FRMPD4: variants seen among roughly 807,000 people sequenced by gnomAD.
The protein encoded by FRMPD4 is FERM and PDZ domain-containing protein 4.
A neutral mutation model predicts 94.1 loss-of-function variants in FRMPD4; 22 were observed. The observed-to-expected ratio is 0.23, with a 90% CI of 0.17 to 0.33. The LOEUF (loss-of-function observed/expected upper bound fraction) is 0.33. FRMPD4 is among the 10% of genes least tolerant of loss of function. FRMPD4 has a pLI of 1.00. For missense variants in FRMPD4, 1,111 were observed against 1,339.9 expected (o/e 0.83, Z 2.67); for synonymous variants, 631 against 548.6 (o/e 1.15, Z -2.10).
At chrX:11,845,785 A>G (rs909991113) in intron 1 of FRMPD4, among the ~76,000 whole-genome samples, 2 of 109,516 alleles carry the variant, frequency 1.8e-5, no homozygotes, top group Admixed American at 9.9e-5. Flanking sequence ...AAACCACATG[A>G]TTATCTCAAT....
chrX:12,476,424 A>G (rs1011900292), intron 1 of FRMPD4, among the ~76,000 whole-genome samples: 7 of 111,896 alleles, frequency 6.3e-5, no homozygotes, highest in African/African-American at 1.9e-4. Flanking sequence ...CATGTCTAAA[A>G]CACCAAAAGC....
intron 3 of FRMPD4, among the ~76,000 whole-genome samples, chrX:11,987,064 A>G (rs1194755826): frequency 1.1e-5 from 1 of 94,759 alleles, no homozygotes; most frequent in Non-Finnish European, 2.1e-5. Flanking sequence ...TGAGGCCAGT[A>G]TAATTCTGAT....
At chrX:12,216,468 A>G (rs760384204) in intron 1 of FRMPD4, among the ~76,000 whole-genome samples, 28 of 111,893 alleles carry the variant, frequency 2.5e-4, no homozygotes, top group African/African-American at 8.4e-4. Context: ...AGTCACAAAG[A>G]TCTTCCCAGG....
intron 1 of FRMPD4, among the ~76,000 whole-genome samples, chrX:12,496,031 C>G (rs1169405517): frequency 2.7e-5 from 3 of 111,928 alleles, no homozygotes; most frequent in Admixed American, 9.5e-5. Flanking sequence ...TAACAAACCA[C>G]AAGGTAATAC....
At chrX:11,974,196 G>A (rs2054355356) in intron 3 of FRMPD4, among the ~76,000 whole-genome samples, 1 of 111,156 alleles carries the variant, frequency 9.0e-6, no homozygotes, top group Non-Finnish European at 1.9e-5. Context: ...ATTGGAGATG[G>A]GGCCTGATGG....
intron 1 of FRMPD4, among the ~76,000 whole-genome samples, chrX:12,318,431 C>T (rs900004322): frequency 1.3e-4 from 14 of 111,638 alleles, no homozygotes; most frequent in Non-Finnish European, 2.4e-4. Context: ...AGGCTGAGAT[C>T]GGAGGATTGC....
chrX:12,170,199 T>C (rs1049929356), intron 1 of FRMPD4, among the ~76,000 whole-genome samples: 4 of 107,971 alleles, frequency 3.7e-5, no homozygotes, highest in Non-Finnish European at 7.6e-5. Flanking sequence ...TTTTTTTTTT[T>C]CAGTGACAAC....
intron 2 of FRMPD4, among the ~76,000 whole-genome samples, chrX:12,524,072 T>C (rs1011666429): frequency 8.9e-6 from 1 of 111,947 alleles, no homozygotes; most frequent in East Asian, 2.8e-4. Context: ...GGAGGATTAC[T>C]TGAGCCCCAG....
At chrX:12,588,149 C>T (rs772084857) in intron 2 of FRMPD4, among the ~76,000 whole-genome samples, 17 of 111,473 alleles carry the variant, frequency 1.5e-4, no homozygotes, top group Non-Finnish European at 2.8e-4. Flanking sequence ...TCACCATGCC[C>T]GGCTAATTTT....
rs757527189 is a variant in FRMPD4 at position 11,997,999 on chromosome X, C to A, written c.95+119981C>A. ...CTTCACAATCTCCTCACATTTCTAT[C>A]CTTCTTCTGCTGTGTTCCCACACCT... is the stretch of plus-strand genomic sequence containing the variant. On this transcript the variant is annotated intron_variant, in intron 3 of 18. Coordinates refer to the FRMPD4 transcript ENST00000640291. Among the ~76,000 whole-genome samples, 6 of 111,869 alleles carry A rather than the reference C, an allele frequency of 5.4e-5. No individual in the cohort carries two copies. In the South Asian group the frequency reaches 2.2e-3, roughly 42 times the overall value.
chrX:12,475,491 G>T (rs2057583487), intron 1 of FRMPD4, among the ~76,000 whole-genome samples: 1 of 111,346 alleles, frequency 9.0e-6, no homozygotes, highest in Non-Finnish European at 1.9e-5. Context: ...GGAAATAAAG[G>T]GTATGCAATT....
At chrX:12,432,620 C>A (rs991359341) in intron 1 of FRMPD4, among the ~76,000 whole-genome samples, 1 of 112,115 alleles carries the variant, frequency 8.9e-6, no homozygotes, top group African/African-American at 3.2e-5. Flanking sequence ...CGGTTCCTTG[C>A]TATATCAGTC....
At chrX:12,395,984 AT>A in intron 1 of FRMPD4, 1 of 167,579 alleles carries the variant, frequency 6.0e-6, no homozygotes, top group Non-Finnish European at 1.2e-5. Context: ...TATTCTCTGC[AT>A]TTTTAAGCAT....
At chrX:11,928,129 G>A (rs1006103540) in intron 3 of FRMPD4, among the ~76,000 whole-genome samples, 2 of 112,068 alleles carry the variant, frequency 1.8e-5, no homozygotes, top group Non-Finnish European at 3.8e-5. Flanking sequence ...ACATATGTGT[G>A]GCAAACAATC....
In FRMPD4 at chrX:12,720,718, G is replaced by T. The variant is rs1469636142; in HGVS notation, c.4149G>T (p.Arg1383=). The T allele has an allele frequency of 6.5e-6, 7 of 1,069,822 alleles. No homozygotes were observed. Among genetic ancestry groups the T allele is most frequent in the Non-Finnish European group, 8.4e-6 (7 of 829,500 alleles). The allele number at this position is 1,069,822 out of a possible 1,213,427, so 88.2% of individuals were successfully genotyped here. A position where few individuals can be genotyped will look rare whatever the true frequency, so the allele number is the denominator to read the frequency against. The change falls in exon 17 of 17, where the codon CGG becomes CGT. Residue 1383 remains arginine (R), a synonymous_variant. Coordinates refer to ENST00000675598, the MANE Select transcript of FRMPD4 (RefSeq NM_001368397.1). ...NQAYGEAVSW[R]PPDLRGGSLR... Reference sequence around the variant, plus strand: ...CATACGGAGAGGCTGTGAGCTGGCGGCCACCGGATCTGAGAGGGGGGAGCC... The same window carrying T: ...CATACGGAGAGGCTGTGAGCTGGCGTCCACCGGATCTGAGAGGGGGGAGCC...
chrX:12,218,049 G>T (rs1170071580), intron 1 of FRMPD4, among the ~76,000 whole-genome samples: 1 of 111,422 alleles, frequency 9.0e-6, no homozygotes, highest in Non-Finnish European at 1.9e-5. Context: ...GTACCTGTAT[G>T]ATTGGACTTG....
intron 1 of FRMPD4, among the ~76,000 whole-genome samples, chrX:12,268,794 C>T (rs1444751366): frequency 6.3e-5 from 7 of 111,434 alleles, no homozygotes; most frequent in Admixed American, 5.7e-4. Context: ...CAAGCTTTAC[C>T]CTCTTAGTGA....
intron 1 of FRMPD4, among the ~76,000 whole-genome samples, chrX:12,235,546 T>A (rs2147784940): frequency 8.9e-6 from 1 of 112,324 alleles, no homozygotes; most frequent in African/African-American, 3.2e-5. Context: ...AGTTAGTTTG[T>A]TTACATGCAT....
chrX:11,873,348 A>G (rs527897445), intron 2 of FRMPD4, among the ~76,000 whole-genome samples: 2 of 111,803 alleles, frequency 1.8e-5, no homozygotes, highest in African/African-American at 6.5e-5. Context: ...AAAGTTTAAT[A>G]GAACAATAAG....
Sources: allele counts gnomAD v4.1 joint callset (sites outside exome capture counted in the v4.1 genomes callset), GRCh38; gene constraint gnomAD v4.1.1; transcripts MANE v1.5; gene names NCBI Gene and HGNC (gene_info 2026-07-23, HGNC 2026-07-21).